Variants in ZNF292 observed in about 807,000 individuals in gnomAD.
ZNF292 encodes zinc finger protein 292.
Under a neutral mutation model 217.9 loss-of-function variants are expected in ZNF292, and 26 were observed. That is an observed-to-expected ratio of 0.12 (90% CI 0.09 to 0.17). The LOEUF (loss-of-function observed/expected upper bound fraction) is 0.17, where lower values mean the gene tolerates loss of function less well. Among genes scored for constraint, ZNF292 ranks in the 10% least tolerant of loss-of-function variants. The pLI, the probability that ZNF292 is intolerant of heterozygous loss-of-function variation, is 1.00. For synonymous variants in ZNF292, 1,257 were observed against 1,124.1 expected, an observed-to-expected ratio of 1.12 and a Z score of -2.37; for missense variants, 2,904 against 3,175.2, an observed-to-expected ratio of 0.91 and a Z score of 2.05.
chr6:87,239,626 C>T (rs1422389339), intron 5 of ZNF292, among the ~76,000 whole-genome samples: 2 of 147,798 alleles, frequency 1.4e-5, no homozygotes, highest in African/African-American at 2.6e-5. Context: ...CTCCTCACTT[C>T]TCAGACGGGG....
chr6:87,250,292 C>CATA (rs142744221), intron 7 of ZNF292, among the ~76,000 whole-genome samples: 3 of 77,260 alleles, frequency 3.9e-5, no homozygotes, highest in Non-Finnish European at 6.8e-5. Flanking sequence ...ATAAGCCAAA[C>CATA]ATGGTGTGTG....
At position 87,256,638 on chromosome 6, in the gene ZNF292, T is replaced by G. The variant is rs745711527; in HGVS notation, c.3009T>G (p.Asn1003Lys). 2.5e-6 allele frequency: 4 copies of G among 1,613,628 alleles called. No individual in the cohort carries two copies. The Admixed American group carries it at 6.7e-5, about 27-fold the overall frequency. ...DCFNDAHVTQ[N>K]SLVNSETLKI... ...TTAATGATGCCCATGTTACTCAGAA[T>G]TCTTTAGTAAATTCAGAAACTCTCA... is the stretch of plus-strand genomic sequence containing the variant. The change falls in exon 8 of 8, where the codon AAT becomes AAG. Residue 1003 changes from asparagine (N) to lysine (K), a missense_variant. Physicochemically the swap from Asn to Lys is moderately conservative, Grantham distance 94. Around this residue, in one of 15 missense-constraint regions of ZNF292, gnomAD observed 687 missense variants for 623.0 expected, o/e 1.10. Transcript: ENST00000369577.
chr6:87,164,276 T>A (rs1005668322), intron 1 of ZNF292, among the ~76,000 whole-genome samples: 1 of 152,242 alleles, frequency 6.6e-6, no homozygotes, highest in Non-Finnish European at 1.5e-5. Flanking sequence ...CTCATTTTTC[T>A]GTTCTTAGCC....
rs569264416 is a variant in ZNF292, at chr6:87,178,913, A to T, written c.168+23154A>T. On this transcript the variant is annotated intron_variant, in intron 1 of 7. Coordinates refer to ENST00000369577, the MANE Select transcript of ZNF292 (RefSeq NM_015021.3). ...GAATGTAAGCATTTTACCCTTGTGG[A>T]GGCTTAGTAATACCCTTATTTAAGA... is the stretch of plus-strand genomic sequence containing the variant. 4.6e-5 allele frequency among the ~76,000 whole-genome samples: 7 copies of T among 152,218 alleles called. No individual in the cohort carries two copies. The East Asian group carries it at 1.4e-3, about 29-fold the overall frequency.
intron 1 of ZNF292, among the ~76,000 whole-genome samples, chr6:87,203,132 CCT>C (rs1772141704): frequency 8.8e-6 from 1 of 114,152 alleles, no homozygotes; most frequent in African/African-American, 3.8e-5. Context: ...AATATATTTT[CCT>C]TTTTTTTTTT....
chr6:87,168,760 G>A (rs573962256), intron 1 of ZNF292, among the ~76,000 whole-genome samples: 22 of 152,204 alleles, frequency 1.4e-4, no homozygotes, highest in Non-Finnish European at 2.6e-4. Flanking sequence ...GTGAGCCAGC[G>A]TGCCTGGCCA....
At chr6:87,224,113 CT>C (rs1773224531) in intron 4 of ZNF292, among the ~76,000 whole-genome samples, 2 of 152,160 alleles carry the variant, frequency 1.3e-5, no homozygotes, top group African/African-American at 2.4e-5. Flanking sequence ...TAGTATACCC[CT>C]ATAGGAAAAA....
At chr6:87,242,582 A>G (rs561408044) in intron 5 of ZNF292, among the ~76,000 whole-genome samples, 5 of 152,284 alleles carry the variant, frequency 3.3e-5, no homozygotes, top group Admixed American at 6.5e-5. Context: ...GTGAGTGCTA[A>G]TGGTCTGTTT....
chr6:87,184,653 A>G (rs1582393033), intron 1 of ZNF292, among the ~76,000 whole-genome samples: 2 of 152,170 alleles, frequency 1.3e-5, no homozygotes, highest in African/African-American at 2.4e-5. Context: ...GAGAATTCAC[A>G]TAAGAGATTC....
At chr6:87,162,751 A>G (rs915240780) in intron 1 of ZNF292, among the ~76,000 whole-genome samples, 3 of 152,232 alleles carry the variant, frequency 2.0e-5, no homozygotes, top group Non-Finnish European at 4.4e-5. Flanking sequence ...CATAACATTT[A>G]CTAACCTGCC....
intron 1 of ZNF292, among the ~76,000 whole-genome samples, chr6:87,212,129 A>G (rs912380703): frequency 3.3e-5 from 5 of 152,138 alleles, no homozygotes; most frequent in African/African-American, 9.7e-5. Flanking sequence ...GGAAAATGCT[A>G]TACTTACTAT....
At chr6:87,167,175 A>G (rs767257387) in intron 1 of ZNF292, among the ~76,000 whole-genome samples, 82 of 152,346 alleles carry the variant, frequency 5.4e-4, no homozygotes, top group South Asian at 1.2e-3. Flanking sequence ...TATTTATTCC[A>G]TTAGCAGTTA....
At chr6:87,163,161 C>T (rs1770808044) in intron 1 of ZNF292, among the ~76,000 whole-genome samples, 1 of 152,004 alleles carries the variant, frequency 6.6e-6, no homozygotes, top group Non-Finnish European at 1.5e-5. Context: ...AATTCAGTTA[C>T]ATACATAGGG....
chr6:87,184,895 TCCTAA>T (rs1246868606), intron 1 of ZNF292, among the ~76,000 whole-genome samples: 1 of 152,210 alleles, frequency 6.6e-6, no homozygotes, highest in Non-Finnish European at 1.5e-5. Flanking sequence ...AAAAGTCTTG[TCCTAA>T]CTCTCAGAGA....
At chr6:87,171,655 T>C (rs569863203) in intron 1 of ZNF292, among the ~76,000 whole-genome samples, 3 of 152,340 alleles carry the variant, frequency 2.0e-5, no homozygotes, top group East Asian at 3.9e-4. Flanking sequence ...AACATAAAAA[T>C]TGACATAGTT....
At chr6:87,246,568 A>G (rs9353465) in intron 7 of ZNF292, among the ~76,000 whole-genome samples, 94,458 of 152,090 alleles carry the variant, frequency 0.62, 30,662 homozygotes, top group African/African-American at 0.81. Flanking sequence ...ATAGCTATAC[A>G]GATATAAGAT....
In ZNF292 at chr6:87,256,178, A is replaced by G. The variant is rs376418877; in HGVS notation, c.2549A>G (p.Asp850Gly). 1 of 1,613,750 alleles carries G rather than the reference A, an allele frequency of 6.2e-7. No homozygotes were observed. The highest frequency in any genetic ancestry group is 1.3e-5 in the African/African-American group (1 of 74,932). Residue 850 changes from aspartate (D) to glycine (G), a missense_variant, in exon 8 of 8, where the codon GAT (aspartate) becomes GGT (glycine). Physicochemically the swap from Asp to Gly is moderately conservative, Grantham distance 94. Around this residue, in one of 15 missense-constraint regions of ZNF292, gnomAD observed 687 missense variants for 623.0 expected, o/e 1.10. Coordinates refer to ENST00000369577, the MANE Select transcript of ZNF292 (RefSeq NM_015021.3). ...PPEAQLNSSG[D>G]SIQPSEVNQN... ...GAAGCCCAACTTAATTCATCTGGAG[A>G]TTCCATTCAGCCTTCTGAAGTGAAT...
intron 1 of ZNF292, among the ~76,000 whole-genome samples, chr6:87,182,187 A>C (rs1038920516): frequency 5.3e-5 from 8 of 152,188 alleles, no homozygotes; most frequent in African/African-American, 1.9e-4. Flanking sequence ...CTCTAGTGGA[A>C]TATTACTATG....
intron 1 of ZNF292, among the ~76,000 whole-genome samples, chr6:87,187,371 C>CTTAGCCAGATCTTA (rs1047538001): frequency 1.3e-5 from 2 of 151,868 alleles, no homozygotes; most frequent in African/African-American, 4.8e-5. Context: ...AATCTTAATG[C>CTTAGCCAGATCTTA]TTAGCCAGAT....
Sources: gnomAD v4.1 joint callset for allele counts (sites outside exome capture counted in the v4.1 genomes callset) on GRCh38, gnomAD v4.1.1 for gene constraint, gnomAD v4.1.1 regional missense constraint, MANE v1.5 for transcripts, NCBI Gene and HGNC (gene_info 2026-07-23, HGNC 2026-07-21) for gene names.